NSL1: variants seen among roughly 807,000 people sequenced by gnomAD.
The protein encoded by NSL1 is NSL1 component of MIS12 kinetochore complex, also known as kinetochore-associated protein NSL1 homolog.
A neutral mutation model predicts 25.4 loss-of-function variants in NSL1; 11 were observed. The ratio of observed to expected loss-of-function variants is 0.43; its 90% CI spans 0.27 to 0.72. The LOEUF (loss-of-function observed/expected upper bound fraction) is 0.72. Among genes scored for constraint, NSL1 ranks in the 30% least tolerant of loss-of-function variants. The pLI is 0.19. For missense variants in NSL1, 330 were observed against 342.7 expected (o/e 0.96, Z 0.29); for synonymous variants, 118 against 120.6 (o/e 0.98, Z 0.14).
chr1:212,788,142 A>G (rs527498748), intron 1 of NSL1, among the ~76,000 whole-genome samples: 2 of 152,380 alleles, frequency 1.3e-5, no homozygotes, highest in African/African-American at 2.4e-5. Context: ...GGCCAGGTGC[A>G]GTGGCTCACG....
intron 4 of NSL1, among the ~76,000 whole-genome samples, chr1:212,773,415 A>G (rs1660215667): frequency 2.0e-5 from 3 of 152,372 alleles, no homozygotes; most frequent in Middle Eastern, 3.4e-3. Flanking sequence ...CAAATAGCCA[A>G]AAGATATATG....
intron 4 of NSL1, among the ~76,000 whole-genome samples, chr1:212,741,683 AT>A (rs1658514926): frequency 6.6e-6 from 1 of 152,198 alleles, no homozygotes; most frequent in Non-Finnish European, 1.5e-5. Context: ...CTGTGAGCCA[AT>A]TAAACCTCTT....
rs1271553201 is a variant in NSL1 at position 212,779,671 on chromosome 1, C to T, written c.499+2701G>A. Among the ~76,000 whole-genome samples, 88 of 115,196 alleles carry T rather than the reference C, an allele frequency of 7.6e-4. 9 individuals are homozygous for T. The highest frequency in any genetic ancestry group is 1.1e-3 in the Non-Finnish European group (59 of 53,732). 75.6% of individuals were successfully genotyped at this position (115,196 alleles called of 152,430 possible). On this transcript the variant is annotated intron_variant, in intron 4 of 5. Coordinates refer to ENST00000366977, the MANE Select transcript of NSL1 (RefSeq NM_015471.4). ...GAGGTGAGGGGCGCCTCTGCCTGGCCGCCCCTACTGGGAAGTGAGGAGCCC... is the reference window on the plus strand; with the variant it reads ...GAGGTGAGGGGCGCCTCTGCCTGGCTGCCCCTACTGGGAAGTGAGGAGCCC...
intron 4 of NSL1, among the ~76,000 whole-genome samples, chr1:212,741,348 T>C (rs1658497097): frequency 6.6e-6 from 1 of 152,240 alleles, no homozygotes. Flanking sequence ...TTCCATGGGC[T>C]AGGCTTATGA....
In NSL1 at chr1:212,737,910, A is replaced by G; in HGVS notation, c.*498T>C. 2.0e-6 allele frequency: 2 copies of G among 985,604 alleles called. No homozygotes were observed. The highest frequency in any genetic ancestry group is 1.2e-6 in the Non-Finnish European group (1 of 830,166). The allele number at this position is 985,604 out of a possible 1,614,324, so 61.1% of individuals were successfully genotyped here. A position where few individuals can be genotyped will look rare whatever the true frequency, so the allele number is the denominator to read the frequency against. On this transcript the variant is annotated 3_prime_UTR_variant, in exon 6 of 6. Coordinates refer to ENST00000366977, the MANE Select transcript of NSL1 (RefSeq NM_015471.4). ...TCAAAGCCAGTATTATCATCAGCAC[A>G]TTAATTTGATAAATCAAACTACATC...
At position 212,732,129 on chromosome 1, in the gene NSL1, TTTC is replaced by T; in HGVS notation, c.*6276_*6278del. 1 of 984,712 alleles carries T rather than the reference TTTC, an allele frequency of 1.0e-6. No homozygotes were observed. Among genetic ancestry groups the T allele is most frequent in the Non-Finnish European group, 1.2e-6 (1 of 829,360 alleles). The allele number at this position is 984,712 out of a possible 1,614,324, so 61.0% of individuals were successfully genotyped here. A position where few individuals can be genotyped will look rare whatever the true frequency, so the allele number is the denominator to read the frequency against. On this transcript the variant is annotated 3_prime_UTR_variant, in exon 6 of 6. Transcript: ENST00000366977. ...GAACTAATTTGTAACCATGATTACA[TTTC>T]TTTTTTTGTACAGCTTTCTGCCTCT... is the stretch of plus-strand genomic sequence containing the variant.
intron 4 of NSL1, chr1:212,782,165 C>A (rs575889898): frequency 6.6e-4 from 469 of 706,926 alleles, no homozygotes; most frequent in Non-Finnish European, 8.9e-4. Flanking sequence ...GCTCAGATTC[C>A]GGGGTAACAC....
At position 212,727,203 on chromosome 1, in the gene NSL1, T is replaced by C. The variant is rs1475216431; in HGVS notation, c.*11205A>G. The C allele has an allele frequency of 2.6e-6, 4 of 1,527,934 alleles. No homozygotes were observed. Among genetic ancestry groups the C allele is most frequent in the East Asian group, 2.4e-5 (1 of 40,830 alleles). The allele number at this position is 1,527,934 out of a possible 1,614,324, so 94.6% of individuals were successfully genotyped here. A position where few individuals can be genotyped will look rare whatever the true frequency, so the allele number is the denominator to read the frequency against. Reference sequence around the variant, plus strand: ...TCCTAATGTGTTAAATGGGGGTGAATGGAATTTAGAAGATCTCTTTTTCTG... The same window carrying C: ...TCCTAATGTGTTAAATGGGGGTGAACGGAATTTAGAAGATCTCTTTTTCTG... On this transcript the variant is annotated 3_prime_UTR_variant, in exon 6 of 6. Transcript: ENST00000366977.
At chr1:212,776,078 G>C (rs1190534109) in intron 4 of NSL1, among the ~76,000 whole-genome samples, 3 of 152,098 alleles carry the variant, frequency 2.0e-5, no homozygotes, top group African/African-American at 7.2e-5. Flanking sequence ...GCCTCCCAAA[G>C]TGCTGGGATT....
intron 4 of NSL1, among the ~76,000 whole-genome samples, chr1:212,758,045 T>C (rs1659393999): frequency 6.6e-6 from 1 of 152,242 alleles, no homozygotes; most frequent in African/African-American, 2.4e-5. Context: ...TCTCTGGGCA[T>C]ATGATTTCAT....
chr1:212,764,862 A>G (rs1202147067), intron 4 of NSL1, among the ~76,000 whole-genome samples: 50 of 141,508 alleles, frequency 3.5e-4, no homozygotes, highest in African/African-American at 1.4e-3. Flanking sequence ...AAAAAAAAAA[A>G]AAAAAAAAAG....
chr1:212,787,974 A>G (rs1458400707), intron 1 of NSL1, among the ~76,000 whole-genome samples: 1 of 152,256 alleles, frequency 6.6e-6, no homozygotes, highest in African/African-American at 2.4e-5. Context: ...TAAGTACTAT[A>G]TATGCTGCTG....
intron 4 of NSL1, among the ~76,000 whole-genome samples, chr1:212,754,658 T>G (rs1200090439): frequency 6.7e-6 from 1 of 149,670 alleles, no homozygotes; most frequent in African/African-American, 2.5e-5. Context: ...GCACCTGTAA[T>G]CCCAGCTACT....
Position 212,736,602 on chromosome 1 carries a change from T to C in NSL1, c.*1806A>G, listed in dbSNP as rs1658240766. 1 of 985,412 alleles carries C rather than the reference T, an allele frequency of 1.0e-6. No homozygotes were observed. 61.0% of individuals were successfully genotyped at this position (985,412 alleles called of 1,614,324 possible). On this transcript the variant is annotated 3_prime_UTR_variant, in exon 6 of 6. Coordinates refer to ENST00000366977, the MANE Select transcript of NSL1 (RefSeq NM_015471.4). The stretch of plus-strand genomic sequence containing the variant: ...ACTGTCTTTCCCAGTGGTATTTCTA[T>C]TTTAAACTCTGCTATAACTATGGAG...
chr1:212,739,116 A>G (rs78751851), intron 5 of NSL1, among the ~76,000 whole-genome samples: 3,469 of 152,226 alleles, frequency 0.023, 63 homozygotes, highest in South Asian at 0.041. Context: ...CAACCTGCTT[A>G]GCCTCTCTGT....
Position 212,787,567 on chromosome 1 carries a change from C to A in NSL1, c.305G>T (p.Cys102Phe). Residue 102 changes from cysteine to phenylalanine, a missense_variant, in exon 2 of 6, where the codon TGT becomes TTT. Cys to Phe is a radical substitution (Grantham distance 205, BLOSUM62 -2). Transcript: ENST00000366977. ...GQAWQEASDNCFMDSDIKVLE... is the reference protein window; with the variant it reads ...GQAWQEASDNFFMDSDIKVLE... ...AGGAAAAAGTCACATACCCATAAAA[C>A]AATTATCTGAAGCTTCCTGCCATGC... The A allele has an allele frequency of 6.2e-7, 1 of 1,600,794 alleles. No homozygotes were observed.
chr1:212,788,778 A>G (rs563973851), intron 1 of NSL1, among the ~76,000 whole-genome samples: 1 of 152,356 alleles, frequency 6.6e-6, no homozygotes, highest in South Asian at 2.1e-4. Context: ...AGTTAAATAG[A>G]CAATATTCAT....
intron 2 of NSL1, among the ~76,000 whole-genome samples, chr1:212,786,849 A>T (rs1225186526): frequency 6.6e-6 from 1 of 152,186 alleles, no homozygotes; most frequent in Non-Finnish European, 1.5e-5. Flanking sequence ...ATTATTCATT[A>T]ATTTAACATA....
Position 212,727,182 on chromosome 1 carries a change from A to C in NSL1, c.*11226T>G, listed in dbSNP as rs183933152. The C allele has an allele frequency of 7.1e-6, 11 of 1,555,702 alleles. No individual in the cohort carries two copies. The African/African-American group carries it at 1.1e-4, about 16-fold the overall frequency. ...AGCTAGTCCACCAGGCTTGGCTCCT[A>C]ATGTGTTAAATGGGGGTGAATGGAA... On this transcript the variant is annotated 3_prime_UTR_variant, in exon 6 of 6. Coordinates refer to ENST00000366977, the MANE Select transcript of NSL1 (RefSeq NM_015471.4).
Sources: allele counts gnomAD v4.1 joint callset (sites outside exome capture counted in the v4.1 genomes callset), GRCh38; gene constraint gnomAD v4.1.1; transcripts MANE v1.5; gene names NCBI Gene and HGNC (gene_info 2026-07-23, HGNC 2026-07-21).